OSBPL3: variants seen among roughly 807,000 people sequenced by gnomAD.
OSBPL3 encodes the protein oxysterol binding protein like 3, also known as oxysterol-binding protein-related protein 3.
A neutral mutation model predicts 120.1 loss-of-function variants in OSBPL3; 65 were observed. The observed-to-expected ratio is 0.54, with a 90% CI of 0.44 to 0.67. The LOEUF (loss-of-function observed/expected upper bound fraction) is 0.67. OSBPL3 is among the 30% of genes least tolerant of loss of function. OSBPL3 has a pLI of 0.00. For missense variants in OSBPL3, 1,004 were observed against 1,082.1 expected, an observed-to-expected ratio of 0.93 and a Z score of 1.01; for synonymous variants, 416 against 402.6, an observed-to-expected ratio of 1.03 and a Z score of -0.40.
intron 12 of OSBPL3, among the ~76,000 whole-genome samples, chr7:24,843,394 A>G (rs1453579325): frequency 2.0e-5 from 3 of 152,316 alleles, no homozygotes; most frequent in African/African-American, 7.2e-5. Context: ...GGTAGTAGTA[A>G]AACCACTCGT....
Position 24,847,915 on chromosome 7 carries a change from C to A in OSBPL3, c.1266+1154G>T, listed in dbSNP as rs148025773. On this transcript the variant is annotated intron_variant, in intron 12 of 22. Coordinates refer to ENST00000313367, the MANE Select transcript of OSBPL3 (RefSeq NM_015550.4). The stretch of plus-strand genomic sequence containing the variant: ...AGGTGACAGTTTAGGTCTGGGCTAA[C>A]ATAACTGAAAAGTGACCTCTTGTGG... Among the ~76,000 whole-genome samples, 169 of 152,330 alleles carry A rather than the reference C, an allele frequency of 1.1e-3. 1 individual carries two copies. Among genetic ancestry groups the A allele is most frequent in the African/African-American group, 3.6e-3 (149 of 41,564 alleles).
Position 24,831,043 on chromosome 7 carries a change from AT to A in OSBPL3, c.1747-139del, listed in dbSNP as rs2128170431. The A allele has an allele frequency of 1.2e-6, 1 of 819,448 alleles. No homozygotes were observed. The highest frequency in any genetic ancestry group is 2.9e-5 in the East Asian group (1 of 34,516). The allele number at this position is 819,448 out of a possible 1,614,324, so 50.8% of individuals were successfully genotyped here. A position where few individuals can be genotyped will look rare whatever the true frequency, so the allele number is the denominator to read the frequency against. ...TTGTCTTTGGTTGTTTTTAAACAAC[AT>A]AGGTTTAAAATTGTAGGTTTAAATA... is the stretch of plus-strand genomic sequence containing the variant. On this transcript the variant is annotated intron_variant, in intron 15 of 22. Coordinates refer to ENST00000313367, the MANE Select transcript of OSBPL3 (RefSeq NM_015550.4). This position sits in a 1 kb window ranked among gnomAD's most constrained non-coding sequence, Gnocchi z 4.0.
intron 1 of OSBPL3, among the ~76,000 whole-genome samples, chr7:24,954,065 T>C (rs1468808616): frequency 6.6e-6 from 1 of 152,194 alleles, no homozygotes. Context: ...TCCTCTTTCA[T>C]GATATTCCAC....
intron 19 of OSBPL3, among the ~76,000 whole-genome samples, chr7:24,814,718 C>A (rs761233452): frequency 3.9e-5 from 6 of 152,288 alleles, no homozygotes; most frequent in Middle Eastern, 6.8e-3. Context: ...CTGGCGATCT[C>A]GCAGAAGTGG....
intron 1 of OSBPL3, among the ~76,000 whole-genome samples, chr7:24,910,544 T>C (rs1808669105): frequency 6.6e-6 from 1 of 152,242 alleles, no homozygotes; most frequent in Non-Finnish European, 1.5e-5. Context: ...GTATATATCC[T>C]ATAAAGTAAC....
rs1584551993 is a variant in OSBPL3, at chr7:24,900,488, C to T, written c.-149-7867G>A. On this transcript the variant is annotated intron_variant, in intron 1 of 22. Coordinates refer to ENST00000313367, the MANE Select transcript of OSBPL3 (RefSeq NM_015550.4). This position sits in a 1 kb window ranked among gnomAD's most constrained non-coding sequence, Gnocchi z 4.5. ...ACTTATCAATGAAGATACATGAGGA[C>T]TTAGTGTACATTTGTCAGGGATTAG... Among the ~76,000 whole-genome samples the T allele has an allele frequency of 1.3e-5, 2 of 152,296 alleles. No individual in the cohort carries two copies. Among genetic ancestry groups the T allele is most frequent in the African/African-American group, 4.8e-5 (2 of 41,558 alleles).
chr7:24,861,957 G>A (rs1800622327), intron 9 of OSBPL3, among the ~76,000 whole-genome samples, 188 bp from the exon 10 acceptor site: 2 of 149,158 alleles, frequency 1.3e-5, no homozygotes, highest in South Asian at 4.2e-4. Flanking sequence ...CACAATCTCC[G>A]CTCACTGCAA....
At position 24,937,218 on chromosome 7, in the gene OSBPL3, T is replaced by C. The variant is rs910423005; in HGVS notation, c.-150+42668A>G. 2.6e-5 allele frequency among the ~76,000 whole-genome samples: 4 copies of C among 152,140 alleles called. No homozygotes were observed. The highest frequency in any genetic ancestry group is 4.4e-5 in the Non-Finnish European group (3 of 68,024). ...AGATGTAGTGAGAACTAACTTATTA[T>C]CATGAGAACAGGATGGAGGGAACCT... On this transcript the variant is annotated intron_variant, in intron 1 of 22. Transcript: ENST00000313367. The surrounding 1 kb of genome is among the most constrained non-coding windows in gnomAD (Gnocchi z 4.0).
In OSBPL3 at chr7:24,898,627, T is replaced by C. The variant is rs1190891526; in HGVS notation, c.-149-6006A>G. On this transcript the variant is annotated intron_variant, in intron 1 of 22. Transcript: ENST00000313367. This position sits in a 1 kb window ranked among gnomAD's most constrained non-coding sequence, Gnocchi z 4.3. The stretch of plus-strand genomic sequence containing the variant: ...CCCAATCCAGCAACAGAAATGCACC[T>C]GGTGCATATTTGAAGCGTGCGGCTT... Among the ~76,000 whole-genome samples, 1 of 152,178 alleles carries C rather than the reference T, an allele frequency of 6.6e-6. No individual in the cohort carries two copies. Among genetic ancestry groups the C allele is most frequent in the Admixed American group, 6.5e-5 (1 of 15,288 alleles).
intron 15 of OSBPL3, among the ~76,000 whole-genome samples, chr7:24,832,139 C>CCT: frequency 6.9e-6 from 1 of 145,072 alleles, no homozygotes; most frequent in African/African-American, 2.6e-5. Context: ...CCCAGGAGGT[C>CCT]GAGGCTGCAA....
rs1196642133 is a variant in OSBPL3 at position 24,863,608 on chromosome 7, G to GA, written c.674-10dup. ...ATGACAGTGCGCCAGGTCTGTGGGG[G>GA]AAAAGAGGACAGTGCTCACAATGCT... On this transcript the variant is annotated splice_polypyrimidine_tract_variant and intron_variant, in intron 7 of 22. Coordinates refer to ENST00000313367, the MANE Select transcript of OSBPL3 (RefSeq NM_015550.4). This position sits in a 1 kb window ranked among gnomAD's most constrained non-coding sequence, Gnocchi z 5.8. 3.2e-6 allele frequency: 5 copies of GA among 1,586,368 alleles called. No homozygotes were observed. The highest frequency in any genetic ancestry group is 3.5e-6 in the Non-Finnish European group (4 of 1,154,988).
chr7:24,831,821 C>T lies in OSBPL3; in HGVS notation c.1747-916G>A, dbSNP rs1796396303. 6.6e-6 allele frequency among the ~76,000 whole-genome samples: 1 copy of T among 152,192 alleles called. No individual in the cohort carries two copies. The highest frequency in any genetic ancestry group is 2.1e-4 in the South Asian group (1 of 4,830). On this transcript the variant is annotated intron_variant, in intron 15 of 22. Coordinates refer to ENST00000313367, the MANE Select transcript of OSBPL3 (RefSeq NM_015550.4). The surrounding 1 kb of genome is among the most constrained non-coding windows in gnomAD (Gnocchi z 4.0). ...TGCCCACTAGTCACATAACCTTCTG[C>T]TAAATTTTTGATGTTGCCTGTAATA...
chr7:24,947,778 TCACACACACA>T lies in OSBPL3; in HGVS notation c.-150+32098_-150+32107del, dbSNP rs56135680. Among the ~76,000 whole-genome samples, 2 of 148,228 alleles carry T rather than the reference TCACACACACA, an allele frequency of 1.3e-5. No individual in the cohort carries two copies. The highest frequency in any genetic ancestry group is 3.5e-3 in the Middle Eastern group (1 of 284). The stretch of plus-strand genomic sequence containing the variant: ...ATGTATACATACATATCCAATTAAA[TCACACACACA>T]CACACACACACACACACACACTCAT... On this transcript the variant is annotated intron_variant, in intron 1 of 22. Transcript: ENST00000313367. This position sits in a 1 kb window ranked among gnomAD's most constrained non-coding sequence, Gnocchi z 4.4.
intron 12 of OSBPL3, among the ~76,000 whole-genome samples, chr7:24,845,673 T>A (rs1175618397): frequency 6.1e-5 from 9 of 147,078 alleles, no homozygotes; most frequent in East Asian, 6.0e-4. Context: ...AAAAAAAAAA[T>A]AGATCTAATC....
At chr7:24,861,836 TA>T in intron 9 of OSBPL3, 67 bp from the exon 10 acceptor site, 1 of 1,103,996 alleles carries the variant, frequency 9.1e-7, no homozygotes. Context: ...TACTTGATTC[TA>T]AGATTGAAAC....
intron 1 of OSBPL3, among the ~76,000 whole-genome samples, chr7:24,915,013 C>T (rs1219687754): frequency 6.6e-6 from 1 of 152,140 alleles, no homozygotes; most frequent in African/African-American, 2.4e-5. Flanking sequence ...AAATCAGATG[C>T]CAATTTTTTG....
At position 24,916,068 on chromosome 7, in the gene OSBPL3, A is replaced by AAC; in HGVS notation, c.-149-23448_-149-23447insGT. Among the ~76,000 whole-genome samples, 1 of 152,152 alleles carries AAC rather than the reference A, an allele frequency of 6.6e-6. No individual in the cohort carries two copies. The highest frequency in any genetic ancestry group is 1.5e-5 in the Non-Finnish European group (1 of 68,022). ...CCAGGCAGGGACAAAGGGAGAAGGCACTCGATGTTTATCATGTTGTCCTGT... is the reference window on the plus strand; with the variant it reads ...CCAGGCAGGGACAAAGGGAGAAGGCAACCTCGATGTTTATCATGTTGTCCTGT... On this transcript the variant is annotated intron_variant, in intron 1 of 22. Transcript: ENST00000313367. This position sits in a 1 kb window ranked among gnomAD's most constrained non-coding sequence, Gnocchi z 4.9.
chr7:24,801,670 A>C (rs1392813498), intron 22 of OSBPL3, among the ~76,000 whole-genome samples: 1 of 152,206 alleles, frequency 6.6e-6, no homozygotes, highest in East Asian at 1.9e-4. Flanking sequence ...GTTTTATTGG[A>C]ACATGGCCAT....
At chr7:24,807,861 T>C (rs1318448280) in intron 20 of OSBPL3, among the ~76,000 whole-genome samples, 1 of 152,100 alleles carries the variant, frequency 6.6e-6, no homozygotes, top group African/African-American at 2.4e-5. Flanking sequence ...TCTTCACACA[T>C]AACAAGAGAA....
Sources: allele counts gnomAD v4.1 joint callset (sites outside exome capture counted in the v4.1 genomes callset), GRCh38; gene constraint gnomAD v4.1.1; non-coding constraint Gnocchi (gnomAD v3.1); transcripts MANE v1.5; gene names NCBI Gene and HGNC (gene_info 2026-07-23, HGNC 2026-07-21).